COA7: variants seen among roughly 807,000 people sequenced by gnomAD.
The protein encoded by COA7 is cytochrome c oxidase assembly factor 7.
COA7 carries 12 observed loss-of-function variants against 21.0 expected under a neutral mutation model. The ratio of observed to expected loss-of-function variants is 0.57; its 90% CI spans 0.37 to 0.92. COA7 has a LOEUF of 0.92. COA7 is among the 40% of genes least tolerant of loss of function. The pLI is 0.01. For synonymous variants in COA7, 95 were observed against 107.4 expected (o/e 0.88, Z 0.72); for missense variants, 240 against 286.1 (o/e 0.84, Z 1.16).
At position 52,692,850 on chromosome 1, in the gene COA7, C is replaced by A. The variant is rs775572801; in HGVS notation, c.124G>T (p.Asp42Tyr). The A allele has an allele frequency of 1.2e-6, 2 of 1,614,106 alleles. No homozygotes were observed. Among genetic ancestry groups the A allele is most frequent in the Admixed American group, 1.7e-5 (1 of 60,016 alleles). ...TTCTTCCGGATCCCTTCCAAATAGT[C>A]CACCAGCCGATAGCAACCTGCGAGA... ...KDPDGCYRLV[D>Y]YLEGIRKNFD... The change falls in exon 2 of 3, where the codon GAC becomes TAC. Residue 42 changes from aspartate (D) to tyrosine (Y), a missense_variant. Physicochemically the swap from Asp to Tyr is radical, Grantham distance 160 (BLOSUM62 -3). Around this residue, in one of 3 missense-constraint regions of COA7, gnomAD observed 71 missense variants for 54.7 expected, o/e 1.30. Transcript: ENST00000371538.
At chr1:52,697,035 G>T (rs940443251) in intron 1 of COA7, among the ~76,000 whole-genome samples, 1 of 151,954 alleles carries the variant, frequency 6.6e-6, no homozygotes, top group African/African-American at 2.4e-5. Flanking sequence ...CTTTAACCCA[G>T]GAGGCAAAGG....
chr1:52,692,408 A>G, intron 2 of COA7, among the ~76,000 whole-genome samples: 1 of 152,216 alleles, frequency 6.6e-6, no homozygotes, highest in East Asian at 1.9e-4. Flanking sequence ...GCCTTTTCCT[A>G]TGCTGTCCTA....
At position 52,688,204 on chromosome 1, in the gene COA7, G is replaced by C. The variant is rs74997019; in HGVS notation, c.248-36C>G. 6.1e-3 allele frequency: 9,376 copies of C among 1,542,694 alleles called. 245 individuals are homozygous for C. In the African/African-American group the frequency reaches 0.082, roughly 14 times the overall value. On this transcript the variant is annotated intron_variant, in intron 2 of 2. Coordinates refer to ENST00000371538, the MANE Select transcript of COA7 (RefSeq NM_023077.3). Reference sequence around the variant, plus strand: ...GGAAAGTAGGAAAAAATAAACCCAAGCCAGGGCACAACCTAAATGTCTCAG... The same window carrying C: ...GGAAAGTAGGAAAAAATAAACCCAACCCAGGGCACAACCTAAATGTCTCAG...
chr1:52,688,093 A>G lies in COA7; in HGVS notation c.323T>C (p.Ile108Thr). The change falls in exon 3 of 3, where the codon ATA becomes ACA. Residue 108 changes from isoleucine (I) to threonine (T), a missense_variant. By Grantham distance (89) the Ile-to-Thr change is moderately conservative. Transcript: ENST00000371538. ...MACEKPGKKS[I>T]AACHNVGLLA... ...GAGGCCAACGTTGTGACATGCTGCT[A>G]TTGACTTCTTTCCAGGCTTCTCACA... 1 of 1,614,040 alleles carries G rather than the reference A, an allele frequency of 6.2e-7. No individual in the cohort carries two copies. The highest frequency in any genetic ancestry group is 2.2e-5 in the East Asian group (1 of 44,872).
intron 1 of COA7, among the ~76,000 whole-genome samples, chr1:52,695,388 C>A (rs1644077326): frequency 3.3e-5 from 5 of 151,658 alleles, no homozygotes; most frequent in Admixed American, 2.0e-4. Context: ...GTACTTGAAC[C>A]TGGGAGGCAG....
At chr1:52,691,916 C>T (rs1300454711) in intron 2 of COA7, among the ~76,000 whole-genome samples, 1 of 152,168 alleles carries the variant, frequency 6.6e-6, no homozygotes, top group Non-Finnish European at 1.5e-5. Context: ...AAAGATAGGT[C>T]ATAGAAGACA....
intron 1 of COA7, chr1:52,698,014 G>A: frequency 1.8e-6 from 1 of 565,908 alleles, no homozygotes; most frequent in South Asian, 2.1e-5. Context: ...AAAAGCCCCA[G>A]CACGTCTCTT....
intron 1 of COA7, 46 bp downstream of exon 1, chr1:52,698,175 C>A (rs1395134012): frequency 7.3e-7 from 1 of 1,377,022 alleles, no homozygotes; most frequent in Non-Finnish European, 1.0e-6. Flanking sequence ...CCTCTCCGGG[C>A]ACGTCCCTCC....
rs1644014445 is a variant in COA7 at position 52,687,560 on chromosome 1, T to G, written c.*160A>C. 3.1e-6 allele frequency: 2 copies of G among 642,724 alleles called. No homozygotes were observed. The highest frequency in any genetic ancestry group is 5.5e-6 in the Non-Finnish European group (2 of 361,412). The allele number at this position is 642,724 out of a possible 1,614,324, so 39.8% of individuals were successfully genotyped here. ...CTGAAATAAACATTGTAGGCTATAC[T>G]CCAGTAGCTGGGGCAATGGATCCAT... On this transcript the variant is annotated 3_prime_UTR_variant, in exon 3 of 3. Transcript: ENST00000371538.
chr1:52,696,893 T>G (rs1482580482), intron 1 of COA7, among the ~76,000 whole-genome samples: 1 of 151,838 alleles, frequency 6.6e-6, no homozygotes, highest in Admixed American at 6.6e-5. Context: ...ATGGATTGCT[T>G]GAGGTCAGGA....
At chr1:52,689,656 G>A (rs1334940751) in intron 2 of COA7, among the ~76,000 whole-genome samples, 1 of 152,012 alleles carries the variant, frequency 6.6e-6, no homozygotes, top group Non-Finnish European at 1.5e-5. Flanking sequence ...TTGGGAGGCC[G>A]AGGTGGGCGG....
intron 1 of COA7, among the ~76,000 whole-genome samples, chr1:52,694,461 G>GGAAAAAAAAAAAAAAAAAA (rs751466526): frequency 1.5e-5 from 1 of 65,000 alleles, no homozygotes; most frequent in Non-Finnish European, 3.1e-5. Flanking sequence ...ACTCCATCTC[G>GGAAAAAAAAAAAAAAAAAA]AAAAAAAAAA....
chr1:52,684,813 G>A lies in COA7; in HGVS notation c.*2907C>T, dbSNP rs752709652. Reference sequence around the variant, plus strand: ...CCTCCCCCACCCACTGCTTTTTACTGTCTCCATAGTTTTGCCTTTTCCAGA... The same window carrying A: ...CCTCCCCCACCCACTGCTTTTTACTATCTCCATAGTTTTGCCTTTTCCAGA... On this transcript the variant is annotated 3_prime_UTR_variant, in exon 3 of 3. Transcript: ENST00000371538. 1.5e-5 allele frequency: 2 copies of A among 135,456 alleles called. No homozygotes were observed. Among genetic ancestry groups the A allele is most frequent in the Non-Finnish European group, 3.1e-5 (2 of 64,726 alleles). The allele number at this position is 135,456 out of a possible 1,614,324, so 8.4% of individuals were successfully genotyped here.
intron 2 of COA7, 110 bp downstream of exon 2, chr1:52,692,617 G>T: frequency 8.1e-7 from 1 of 1,240,186 alleles, no homozygotes; most frequent in Non-Finnish European, 1.1e-6. Context: ...TTCCTACAAT[G>T]CACTTTCCCA....
chr1:52,697,735 G>T (rs1369582652), intron 1 of COA7, among the ~76,000 whole-genome samples: 1 of 150,076 alleles, frequency 6.7e-6, no homozygotes, highest in African/African-American at 2.5e-5. Flanking sequence ...ACCACGCCCG[G>T]CTAATTTTTT....
chr1:52,697,897 T>G (rs963502581), intron 1 of COA7: 2 of 276,218 alleles, frequency 7.2e-6, no homozygotes, highest in African/African-American at 2.2e-5. Context: ...CGAACACGAT[T>G]TCATGAATTA....
chr1:52,693,399 A>G (rs1644061620), intron 1 of COA7, among the ~76,000 whole-genome samples: 1 of 151,774 alleles, frequency 6.6e-6, no homozygotes, highest in Non-Finnish European at 1.5e-5. Context: ...ACAGGGTAAA[A>G]CCCTGTCTCT....
intron 1 of COA7, among the ~76,000 whole-genome samples, chr1:52,693,367 C>A (rs554520241): frequency 6.6e-6 from 1 of 151,918 alleles, no homozygotes; most frequent in Non-Finnish European, 1.5e-5. Flanking sequence ...CACTTGAGGT[C>A]TGGAGTTCGA....
At position 52,698,321 on chromosome 1, in the gene COA7, G is replaced by C. The variant is rs374935492; in HGVS notation, c.6C>G (p.Ala2=). The C allele has an allele frequency of 6.2e-7, 1 of 1,610,064 alleles. No homozygotes were observed. The highest frequency in any genetic ancestry group is 8.5e-7 in the Non-Finnish European group (1 of 1,179,036). ...CCTCATCCTGGAAGTCCACCATGCC[G>C]GCCATGGTTCGCGCCGGCCCAAAGA... M[A]GMVDFQDEEQ... is the part of the protein sequence containing the mutation. Residue 2 remains alanine, a synonymous_variant, in exon 1 of 3, where the codon GCC becomes GCG. Transcript: ENST00000371538.
Sources: gnomAD v4.1 joint callset for allele counts (sites outside exome capture counted in the v4.1 genomes callset) on GRCh38, gnomAD v4.1.1 for gene constraint, gnomAD v4.1.1 regional missense constraint, MANE v1.5 for transcripts, NCBI Gene and HGNC (gene_info 2026-07-23, HGNC 2026-07-21) for gene names.